DDRGK1: variants seen among roughly 807,000 people sequenced by gnomAD.
The protein encoded by DDRGK1 is DDRGK domain containing 1.
A neutral mutation model predicts 45.8 loss-of-function variants in DDRGK1; 38 were observed. The ratio of observed to expected loss-of-function variants is 0.83; its 90% CI spans 0.64 to 1.09. The LOEUF (loss-of-function observed/expected upper bound fraction) is 1.09. Ranked by LOEUF, DDRGK1 falls within the 50% of genes least tolerant of loss-of-function variation. The pLI is 0.00. For missense variants in DDRGK1, 403 were observed against 419.9 expected (o/e 0.96, Z 0.35); for synonymous variants, 171 against 168.7 (o/e 1.01, Z -0.11).
intron 1 of DDRGK1, among the ~76,000 whole-genome samples, chr20:3,204,274 T>G (rs1183113325): frequency 6.6e-6 from 1 of 151,896 alleles, no homozygotes; most frequent in East Asian, 1.9e-4. Context: ...CCTCAGGCCT[T>G]TGGAGGTATG....
chr20:3,191,269 T>G (rs748073184), intron 7 of DDRGK1, 31 bp from the exon 8 acceptor site: 21 of 1,611,852 alleles, frequency 1.3e-5, no homozygotes, highest in Non-Finnish European at 1.7e-5. Flanking sequence ...AGAATAGAGA[T>G]AGGCACCAAT....
intron 4 of DDRGK1, among the ~76,000 whole-genome samples, 156 bp downstream of exon 4, chr20:3,199,845 G>A (rs1249185616): frequency 6.6e-6 from 1 of 152,158 alleles, no homozygotes; most frequent in East Asian, 1.9e-4. Context: ...GGCTTTTCTA[G>A]GCTGTGGTGG....
At chr20:3,204,488 A>G (rs1311086783) in intron 1 of DDRGK1, 49 bp downstream of exon 1, 1 of 1,523,674 alleles carries the variant, frequency 6.6e-7, no homozygotes, top group Admixed American at 2.0e-5. Context: ...AAGGCTCAGA[A>G]GGCCAGAAAA....
At chr20:3,196,944 C>T (rs910966119) in intron 4 of DDRGK1, among the ~76,000 whole-genome samples, 2 of 151,832 alleles carry the variant, frequency 1.3e-5, no homozygotes, top group Non-Finnish European at 2.9e-5. Context: ...AATGGCTGGT[C>T]GGGCACGGTG....
chr20:3,190,916 C>T (rs1396877056), intron 8 of DDRGK1, 97 bp from the exon 9 acceptor site: 1 of 1,477,486 alleles, frequency 6.8e-7, no homozygotes, highest in Non-Finnish European at 9.1e-7. Flanking sequence ...GCTCAGGGCC[C>T]TTCCGGCCTC....
At chr20:3,198,100 T>TAAAAAAA (rs34302663) in intron 4 of DDRGK1, among the ~76,000 whole-genome samples, 1 of 53,060 alleles carries the variant, frequency 1.9e-5, no homozygotes, top group African/African-American at 7.7e-5. Flanking sequence ...CCATCTCTCT[T>TAAAAAAA]AAAAAAAAAA....
At chr20:3,198,311 GGA>G (rs1024618892) in intron 4 of DDRGK1, among the ~76,000 whole-genome samples, 1 of 150,778 alleles carries the variant, frequency 6.6e-6, no homozygotes, top group Non-Finnish European at 1.5e-5. Context: ...GAATGAGGCA[GGA>G]GAGTCACTTG....
chr20:3,196,467 G>A (rs1308733925), intron 4 of DDRGK1, among the ~76,000 whole-genome samples: 1 of 151,588 alleles, frequency 6.6e-6, no homozygotes, highest in East Asian at 1.9e-4. Flanking sequence ...CACGAGGTCA[G>A]GAGATCGAGA....
intron 8 of DDRGK1, 91 bp downstream of exon 8, chr20:3,191,099 G>A: frequency 6.5e-7 from 1 of 1,540,738 alleles, no homozygotes; most frequent in Non-Finnish European, 8.9e-7. Context: ...ATCTTGGGTG[G>A]TCATCCTGCC....
At position 3,196,660 on chromosome 20, in the gene DDRGK1, G is replaced by A. The variant is rs566352217; in HGVS notation, c.511-1307C>T. On this transcript the variant is annotated intron_variant, in intron 4 of 8. Transcript: ENST00000354488. ...TGTGCCACTGCACTCCAGCCTGGGG[G>A]ACAGAGCGAGACTCCATCTCAAAAA... Among the ~76,000 whole-genome samples the A allele has an allele frequency of 5.9e-5, 9 of 152,260 alleles. No homozygotes were observed. In the East Asian group the frequency reaches 1.5e-3, roughly 26 times the overall value.
At chr20:3,204,053 T>C (rs369166331) in intron 1 of DDRGK1, among the ~76,000 whole-genome samples, 4 of 152,082 alleles carry the variant, frequency 2.6e-5, no homozygotes, top group African/African-American at 9.7e-5. Flanking sequence ...GCCCTCTCCT[T>C]GGCGGGAAGG....
At chr20:3,191,164 GC>G in intron 8 of DDRGK1, 25 bp downstream of exon 8, 1 of 1,614,006 alleles carries the variant, frequency 6.2e-7, no homozygotes, top group South Asian at 1.1e-5. Flanking sequence ...GGCCAGGACT[GC>G]AGTGATTGGC....
chr20:3,203,530 C>T (rs2122244513), intron 1 of DDRGK1, 114 bp from the exon 2 acceptor site: 1 of 1,349,912 alleles, frequency 7.4e-7, no homozygotes, highest in Non-Finnish European at 9.7e-7. Flanking sequence ...CTGCCCACAG[C>T]ACAAGGCCCC....
intron 1 of DDRGK1, 57 bp downstream of exon 1, chr20:3,204,480 G>A (rs74787085): frequency 8.6e-6 from 13 of 1,512,142 alleles, no homozygotes; most frequent in Admixed American, 4.0e-5. Context: ...GGTCCACAAA[G>A]GCTCAGAAGG....
Position 3,204,636 on chromosome 20 carries a change from C to T in DDRGK1, c.-9G>A, listed in dbSNP as rs1184313193. 16 of 1,574,296 alleles carry T rather than the reference C, an allele frequency of 1.0e-5. No homozygotes were observed. Among genetic ancestry groups the T allele is most frequent in the Non-Finnish European group, 1.4e-5 (16 of 1,164,390 alleles). On this transcript the variant is annotated 5_prime_UTR_variant, in exon 1 of 9. Transcript: ENST00000354488. ...CACACAGGCGCCACCATGACGAGGG[C>T]CTCAGTGCAGAACCACTGCGTCCAC...
At chr20:3,190,975 G>A (rs1189605290) in intron 8 of DDRGK1, among the ~76,000 whole-genome samples, 156 bp from the exon 9 acceptor site, 2 of 152,082 alleles carry the variant, frequency 1.3e-5, no homozygotes, top group Admixed American at 6.6e-5. Flanking sequence ...TAGGAGAGTC[G>A]AATCAGGCTG....
chr20:3,203,165 C>T (rs772785288), intron 2 of DDRGK1, 48 bp downstream of exon 2: 7 of 1,465,088 alleles, frequency 4.8e-6, no homozygotes, highest in Admixed American at 2.6e-5. Flanking sequence ...CCCTTTTATC[C>T]CCCCCTCCAA....
At position 3,190,800 on chromosome 20, in the gene DDRGK1, G is replaced by A; in HGVS notation, c.798C>T (p.Gly266=). 1 of 1,613,064 alleles carries A rather than the reference G, an allele frequency of 6.2e-7. No individual in the cohort carries two copies. Among genetic ancestry groups the A allele is most frequent in the Non-Finnish European group, 8.5e-7 (1 of 1,179,628 alleles). Reference sequence around the variant, plus strand: ...CCTCTGGGGTTATGTAGATGAACTTGCCCCGGTCGTCAATCACACCTGTGG... The same window carrying A: ...CCTCTGGGGTTATGTAGATGAACTTACCCCGGTCGTCAATCACACCTGTGG... The part of the protein sequence containing the change: ...GTITGVIDDR[G]KFIYITPEEL... The change falls in exon 9 of 9, where the codon GGC becomes GGT. Residue 266 remains glycine, a synonymous_variant. Coordinates refer to ENST00000354488, the MANE Select transcript of DDRGK1 (RefSeq NM_023935.3).
chr20:3,191,343 T>C (rs1212745779), intron 7 of DDRGK1, 105 bp from the exon 8 acceptor site: 2 of 1,284,746 alleles, frequency 1.6e-6, no homozygotes, highest in East Asian at 2.4e-5. Flanking sequence ...TTCCCTCTCA[T>C]GCCACGCCCA....
Sources: gnomAD v4.1 joint callset for allele counts (sites outside exome capture counted in the v4.1 genomes callset) on GRCh38, gnomAD v4.1.1 for gene constraint, MANE v1.5 for transcripts, NCBI Gene and HGNC (gene_info 2026-07-23, HGNC 2026-07-21) for gene names.